The following TLN2 variants were observed in gnomAD, a reference collection of about 807,000 sequenced individuals.
The protein encoded by TLN2 is talin-2.
In TLN2, 118 loss-of-function variants were observed where a neutral mutation model predicts 294.7. That is an observed-to-expected ratio of 0.40 (90% CI 0.34 to 0.47). The LOEUF (loss-of-function observed/expected upper bound fraction) is 0.47, where lower values mean the gene tolerates loss of function less well. TLN2 is among the 20% of genes least tolerant of loss of function. The pLI is 0.84. For synonymous variants in TLN2, 1,431 were observed against 1,304.5 expected, an observed-to-expected ratio of 1.10 and a Z score of -2.09; for missense variants, 3,083 against 3,282.2, an observed-to-expected ratio of 0.94 and a Z score of 1.48.
At chr15:62,750,304 T>TTG (rs2061856035) in intron 33 of TLN2, 98 bp from the exon 34 acceptor site, 2 of 963,916 alleles carry the variant, frequency 2.1e-6, no homozygotes, top group East Asian at 2.4e-5. Flanking sequence ...GACCAGAAAC[T>TTG]TGTGTATGGA....
chr15:62,425,958 T>C (rs2034682293), intron 1 of TLN2, among the ~76,000 whole-genome samples: 1 of 152,236 alleles, frequency 6.6e-6, no homozygotes, highest in South Asian at 2.1e-4. Context: ...ACTCTTTTGT[T>C]TGTGGTCTTC....
At chr15:62,780,416 T>C (rs2064059013) in intron 43 of TLN2, among the ~76,000 whole-genome samples, 1 of 152,232 alleles carries the variant, frequency 6.6e-6, no homozygotes, top group African/African-American at 2.4e-5. Flanking sequence ...AAGTTACCAC[T>C]GAAGGACTAG....
intron 9 of TLN2, among the ~76,000 whole-genome samples, chr15:62,667,523 G>A (rs1422607134): frequency 2.6e-5 from 4 of 152,088 alleles, no homozygotes; most frequent in African/African-American, 9.7e-5. Context: ...ATGTTCATGT[G>A]GATCCCCTCC....
At chr15:62,443,450 A>G (rs1458479036) in intron 1 of TLN2, among the ~76,000 whole-genome samples, 1 of 152,196 alleles carries the variant, frequency 6.6e-6, no homozygotes, top group Non-Finnish European at 1.5e-5. Flanking sequence ...GGCAATAGGA[A>G]CGTATTTTGG....
intron 1 of TLN2, among the ~76,000 whole-genome samples, chr15:62,586,077 G>A (rs2045580125): frequency 6.6e-6 from 1 of 152,198 alleles, no homozygotes; most frequent in African/African-American, 2.4e-5. Context: ...AACCAGGATT[G>A]GACACCTTTC....
At chr15:62,498,027 C>T (rs955710313) in intron 1 of TLN2, among the ~76,000 whole-genome samples, 2 of 151,656 alleles carry the variant, frequency 1.3e-5, no homozygotes, top group African/African-American at 2.4e-5. Flanking sequence ...GTGGGCAGAT[C>T]GCTTGAGCTC....
intron 1 of TLN2, among the ~76,000 whole-genome samples, chr15:62,404,070 G>C (rs1288357430): frequency 6.6e-6 from 1 of 152,208 alleles, no homozygotes; most frequent in Admixed American, 6.5e-5. Context: ...CCTTGGATGA[G>C]GGAATGGAAG....
At chr15:62,599,878 G>A (rs1295768811) in intron 2 of TLN2, among the ~76,000 whole-genome samples, 5 of 152,136 alleles carry the variant, frequency 3.3e-5, no homozygotes, top group African/African-American at 7.2e-5. Context: ...AGAGGAGGTG[G>A]ATTCAATACC....
At chr15:62,473,942 A>G (rs1261184548) in intron 1 of TLN2, among the ~76,000 whole-genome samples, 2 of 152,172 alleles carry the variant, frequency 1.3e-5, no homozygotes, top group African/African-American at 2.4e-5. Context: ...AAAAATACAA[A>G]AATTAGCCAG....
intron 1 of TLN2, among the ~76,000 whole-genome samples, chr15:62,494,190 C>T (rs939850475): frequency 6.6e-6 from 1 of 152,082 alleles, no homozygotes; most frequent in Non-Finnish European, 1.5e-5. Flanking sequence ...GTGGGCATAG[C>T]CAAGGGGGTT....
At chr15:62,498,659 T>A (rs1371428358) in intron 1 of TLN2, among the ~76,000 whole-genome samples, 1 of 152,104 alleles carries the variant, frequency 6.6e-6, no homozygotes, top group African/African-American at 2.4e-5. Flanking sequence ...CACAGGAAAG[T>A]GAGGTACATC....
intron 51 of TLN2, 139 bp downstream of exon 51, chr15:62,805,924 T>A (rs2066247471): frequency 1.1e-6 from 1 of 937,118 alleles, no homozygotes; most frequent in South Asian, 2.4e-5. Flanking sequence ...GGGTAGTGGC[T>A]TATGCCTGAA....
intron 1 of TLN2, among the ~76,000 whole-genome samples, chr15:62,425,026 C>T (rs2034626814): frequency 6.8e-6 from 1 of 148,108 alleles, no homozygotes; most frequent in Non-Finnish European, 1.5e-5. Flanking sequence ...GATCTCGGCT[C>T]ACTGCAGCCT....
chr15:62,640,367 A>G (rs1380611717), intron 3 of TLN2: 1 of 457,188 alleles, frequency 2.2e-6, no homozygotes, highest in South Asian at 1.5e-5. Context: ...GAGTGGCTAG[A>G]GGCAGAGAGA....
At chr15:62,835,554 C>T in intron 55 of TLN2, 183 bp from the exon 56 acceptor site, 1 of 644,752 alleles carries the variant, frequency 1.6e-6, no homozygotes, top group Non-Finnish European at 2.7e-6. Flanking sequence ...ATGTGCTGTG[C>T]AATCTTTCTT....
chr15:62,588,996 C>T (rs1197013572), intron 1 of TLN2, among the ~76,000 whole-genome samples: 1 of 151,864 alleles, frequency 6.6e-6, no homozygotes, highest in African/African-American at 2.4e-5. Flanking sequence ...GTTAACTAGT[C>T]TGTCATACCC....
At chr15:62,640,009 C>G (rs1394479953) in intron 3 of TLN2, 2 of 383,478 alleles carry the variant, frequency 5.2e-6, no homozygotes, top group Non-Finnish European at 1.0e-5. Context: ...TATGCCTGGC[C>G]TGCTCAGTGC....
chr15:62,629,976 G>T (rs907723041), intron 3 of TLN2, among the ~76,000 whole-genome samples: 9 of 152,122 alleles, frequency 5.9e-5, no homozygotes, highest in Admixed American at 1.3e-4. Flanking sequence ...TTAATCTAGA[G>T]AATCTCTTCT....
intron 32 of TLN2, among the ~76,000 whole-genome samples, chr15:62,743,766 C>T (rs540245790): frequency 8.4e-4 from 128 of 152,282 alleles, no homozygotes; most frequent in African/African-American, 3.0e-3. Flanking sequence ...AATCACTGCT[C>T]ACCACCACAG....
Sources: allele counts gnomAD v4.1 joint callset (sites outside exome capture counted in the v4.1 genomes callset), GRCh38; gene constraint gnomAD v4.1.1; transcripts MANE v1.5; gene names NCBI Gene and HGNC (gene_info 2026-07-23, HGNC 2026-07-21).